The following MTMR2 variants were observed in gnomAD, a reference collection of about 807,000 sequenced individuals.
MTMR2 encodes myotubularin related protein 2, also known as phosphatidylinositol-3,5-bisphosphate 3-phosphatase MTMR2.
A neutral mutation model predicts 86.9 loss-of-function variants in MTMR2; 55 were observed. That is an observed-to-expected ratio of 0.63 (90% CI 0.51 to 0.79). The LOEUF (loss-of-function observed/expected upper bound fraction) is 0.79. Among genes scored for constraint, MTMR2 ranks in the 30% least tolerant of loss-of-function variants. The probability of loss-of-function intolerance (pLI) is 0.00; values close to 1 mark genes in which losing one functional copy is unlikely to be tolerated. For synonymous variants in MTMR2, 241 were observed against 266.8 expected (o/e 0.90, Z 0.94); for missense variants, 659 against 772.3 (o/e 0.85, Z 1.74).
At chr11:95,877,363 T>TTTTTTA (rs869076328) in intron 2 of MTMR2, among the ~76,000 whole-genome samples, 3 of 142,690 alleles carry the variant, frequency 2.1e-5, no homozygotes, top group Admixed American at 7.0e-5. Context: ...TTTTTTTTTT[T>TTTTTTA]ATATAACACA....
Position 95,850,677 on chromosome 11 carries a change from G to C in MTMR2, c.727C>G (p.Leu243Val). 1 of 1,614,056 alleles carries C rather than the reference G, an allele frequency of 6.2e-7. No homozygotes were observed. Among genetic ancestry groups the C allele is most frequent in the Non-Finnish European group, 8.5e-7 (1 of 1,179,932 alleles). ...GGAATATTTGCTGGCACAACCAGGA[G>C]GGCAGGGTATGTATCACAAAGTTCA... ...RYELCDTYPA[L>V]LVVPANIPDE... The change falls in exon 8 of 15, where the codon CTC (leucine) becomes GTC (valine). Residue 243 changes from leucine (L) to valine (V), a missense_variant. By Grantham distance (32) the Leu-to-Val change is conservative (BLOSUM62 1). Transcript: ENST00000346299.
intron 2 of MTMR2, among the ~76,000 whole-genome samples, chr11:95,868,273 T>TAAAAAAAAAAAAAAAAAAAAA (rs555618890): frequency 1.2e-4 from 5 of 42,214 alleles, no homozygotes; most frequent in Non-Finnish European, 1.2e-4. Context: ...GACCCTGTGC[T>TAAAAAAAAAAAAAAAAAAAAA]AAAAAAAAAA....
chr11:95,838,691 C>T (rs1267539027), intron 12 of MTMR2, among the ~76,000 whole-genome samples: 3 of 152,078 alleles, frequency 2.0e-5, no homozygotes, highest in Non-Finnish European at 4.4e-5. Flanking sequence ...GCGGCTTTTG[C>T]CATTGAAATG....
intron 8 of MTMR2, among the ~76,000 whole-genome samples, chr11:95,850,345 A>G (rs566141279): frequency 6.6e-6 from 1 of 152,286 alleles, no homozygotes; most frequent in African/African-American, 2.4e-5. Context: ...AGTGACTAAT[A>G]CACACAGCAA....
At chr11:95,836,030 A>C in intron 14 of MTMR2, 118 bp downstream of exon 14, 1 of 1,012,332 alleles carries the variant, frequency 9.9e-7, no homozygotes. Flanking sequence ...ATTGTTAACT[A>C]TCAATGGGTA....
chr11:95,905,777 A>G (rs973552361), intron 1 of MTMR2, among the ~76,000 whole-genome samples: 2 of 152,204 alleles, frequency 1.3e-5, no homozygotes, highest in African/African-American at 4.8e-5. Flanking sequence ...CATATCCACT[A>G]TATTAAAAAC....
At chr11:95,878,529 A>C (rs1309893816) in intron 2 of MTMR2, among the ~76,000 whole-genome samples, 1 of 152,048 alleles carries the variant, frequency 6.6e-6, no homozygotes, top group Non-Finnish European at 1.5e-5. Context: ...AATAAATATC[A>C]ATTCCTTCAC....
In MTMR2 at chr11:95,838,205, A is replaced by T; in HGVS notation, c.1482T>A (p.Phe494Leu). 6.5e-7 allele frequency: 1 copy of T among 1,546,612 alleles called. No individual in the cohort carries two copies. Among genetic ancestry groups the T allele is most frequent in the Non-Finnish European group, 8.9e-7 (1 of 1,119,156 alleles). ...IDCVWQMTRQ[F>L]PTAFEFNEYF... ...ACTCATTGAATTCAAATGCGGTAGG[A>T]AACTGCAAATCAAACATCACAAACA... Residue 494 changes from phenylalanine to leucine, a missense_variant and splice_region_variant, in exon 13 of 15, where the codon TTT becomes TTA. Coordinates refer to ENST00000346299, the MANE Select transcript of MTMR2 (RefSeq NM_016156.6).
intron 2 of MTMR2, among the ~76,000 whole-genome samples, chr11:95,873,900 T>A (rs1198022217): frequency 6.6e-6 from 1 of 151,992 alleles, no homozygotes; most frequent in Non-Finnish European, 1.5e-5. Flanking sequence ...TGTAGTTGAG[T>A]GGTTTTGAGT....
Position 95,893,527 on chromosome 11 carries a change from G to A in MTMR2, c.81-5266C>T, listed in dbSNP as rs141286535. On this transcript the variant is annotated intron_variant, in intron 1 of 14. Coordinates refer to ENST00000346299, the MANE Select transcript of MTMR2 (RefSeq NM_016156.6). Reference sequence around the variant, plus strand: ...CCTAACCATCAGTGTCCTTATATCCGTATCCATTAGCCACGACTGTCCTGC... The same window carrying A: ...CCTAACCATCAGTGTCCTTATATCCATATCCATTAGCCACGACTGTCCTGC... Among the ~76,000 whole-genome samples, 463 of 151,886 alleles carry A rather than the reference G, an allele frequency of 3.0e-3. 1 individual carries two copies. Among genetic ancestry groups the A allele is most frequent in the African/African-American group, 9.3e-3 (386 of 41,418 alleles).
chr11:95,889,463 GTTTAT>G (rs1478412093), intron 1 of MTMR2, among the ~76,000 whole-genome samples: 1 of 139,556 alleles, frequency 7.2e-6, no homozygotes, highest in Non-Finnish European at 1.5e-5. Flanking sequence ...CGCTTTTATT[GTTTAT>G]TTTGTCTCAC....
In MTMR2 at chr11:95,849,702, C is replaced by T. The variant is rs2135439249; in HGVS notation, c.965G>A (p.Arg322Gln). 1.2e-6 allele frequency: 2 copies of T among 1,613,886 alleles called. No individual in the cohort carries two copies. The highest frequency in any genetic ancestry group is 1.7e-6 in the Non-Finnish European group (2 of 1,179,908). ...QSHKIFIFDA[R>Q]PSVNAVANKA... ...GTTGGCAACAGCATTAACACTTGGCCGGGCATCAAATATAAAGATTTTGTG... is the reference window on the plus strand; with the variant it reads ...GTTGGCAACAGCATTAACACTTGGCTGGGCATCAAATATAAAGATTTTGTG... Residue 322 changes from arginine to glutamine, a missense_variant, in exon 9 of 15, where the codon CGG becomes CAG. This residue lies in a region of MTMR2 where 387 missense variants were observed against 526.3 expected (regional missense o/e 0.74). Transcript: ENST00000346299.
Position 95,838,123 on chromosome 11 carries a change from A to C in MTMR2, c.1564T>G (p.Cys522Gly), listed in dbSNP as rs1287300971. 6.2e-7 allele frequency: 1 copy of C among 1,608,324 alleles called. No homozygotes were observed. The highest frequency in any genetic ancestry group is 2.2e-5 in the East Asian group (1 of 44,800). ...LYSCLFGTFL[C>G]NSEQQRGKEN... ...TTTCCTCTCTGTTGTTCACTATTAC[A>C]GAGGAATGTTCCGAATAAGCAGCTG... Residue 522 changes from cysteine (C) to glycine (G), a missense_variant, in exon 13 of 15, where the codon TGT becomes GGT. Coordinates refer to ENST00000346299, the MANE Select transcript of MTMR2 (RefSeq NM_016156.6).
At chr11:95,894,177 C>T (rs908037981) in intron 1 of MTMR2, among the ~76,000 whole-genome samples, 2 of 152,162 alleles carry the variant, frequency 1.3e-5, no homozygotes, top group Admixed American at 6.6e-5. Context: ...TTATAATCTT[C>T]CATGCCCTCT....
rs933339345 is a variant in MTMR2, at chr11:95,834,686, A to G, written c.*604T>C. Reference sequence around the variant, plus strand: ...ATCAACTTGCTAATATGTCTTAAGTATGTAAATAATGACGGCAATAATTTT... The same window carrying G: ...ATCAACTTGCTAATATGTCTTAAGTGTGTAAATAATGACGGCAATAATTTT... On this transcript the variant is annotated 3_prime_UTR_variant, in exon 15 of 15. Transcript: ENST00000346299. 6.4e-6 allele frequency: 1 copy of G among 155,100 alleles called. No homozygotes were observed. The highest frequency in any genetic ancestry group is 2.4e-5 in the African/African-American group (1 of 41,430). 9.6% of individuals were successfully genotyped at this position (155,100 alleles called of 1,614,324 possible). A position where few individuals can be genotyped will look rare whatever the true frequency, so the allele number is the denominator to read the frequency against.
chr11:95,845,181 A>ATGTTCTAGC (rs1863732897), intron 10 of MTMR2, 22 bp from the exon 11 acceptor site: 7 of 1,601,684 alleles, frequency 4.4e-6, no homozygotes, highest in Admixed American at 1.7e-5. Context: ...ATTTTTTAAT[A>ATGTTCTAGC]CATTGTTTTT....
chr11:95,858,673 C>G, intron 5 of MTMR2, 41 bp from the exon 6 acceptor site: 1 of 1,262,152 alleles, frequency 7.9e-7, no homozygotes, highest in Non-Finnish European at 1.2e-6. Flanking sequence ...TTGTTCACTA[C>G]TTACTTAAAT....
intron 1 of MTMR2, among the ~76,000 whole-genome samples, chr11:95,920,481 C>CTTT (rs10572906): frequency 7.1e-6 from 1 of 141,708 alleles, no homozygotes; most frequent in East Asian, 2.1e-4. Flanking sequence ...CTGACGATTA[C>CTTT]TTTTTTTTTT....
Position 95,924,019 on chromosome 11 carries a change from G to A in MTMR2, c.-65C>T. ...TTCGCGGCTACAGGGCGGGAGAAGCGGAGGGCGGAGTGCTACGGACCGGGG... is the reference window on the plus strand; with the variant it reads ...TTCGCGGCTACAGGGCGGGAGAAGCAGAGGGCGGAGTGCTACGGACCGGGG... On this transcript the variant is annotated 5_prime_UTR_variant, in exon 1 of 15. Coordinates refer to ENST00000346299, the MANE Select transcript of MTMR2 (RefSeq NM_016156.6). 5.8e-6 allele frequency: 9 copies of A among 1,540,028 alleles called. No homozygotes were observed. In the South Asian group the frequency reaches 9.5e-5, roughly 16 times the overall value.
Sources: allele counts gnomAD v4.1 joint callset (sites outside exome capture counted in the v4.1 genomes callset), GRCh38; gene constraint gnomAD v4.1.1; regional missense constraint gnomAD v4.1.1; transcripts MANE v1.5; gene names NCBI Gene and HGNC (gene_info 2026-07-23, HGNC 2026-07-21).